The following MIPOL1 variants were observed in gnomAD, a reference collection of about 807,000 sequenced individuals.
MIPOL1 encodes mirror-image polydactyly 1, also known as mirror-image polydactyly gene 1 protein.
Under a neutral mutation model 60.9 loss-of-function variants are expected in MIPOL1, and 57 were observed. The ratio of observed to expected loss-of-function variants is 0.94; its 90% CI spans 0.76 to 1.17. The LOEUF (loss-of-function observed/expected upper bound fraction) is 1.17. Among genes scored for constraint, MIPOL1 ranks in the 50% most tolerant of loss-of-function variants. The pLI is 0.00. For missense variants in MIPOL1, 551 were observed against 511.6 expected, an observed-to-expected ratio of 1.08 and a Z score of -0.74; for synonymous variants, 179 against 168.8, an observed-to-expected ratio of 1.06 and a Z score of -0.47.
intron 7 of MIPOL1, among the ~76,000 whole-genome samples, chr14:37,286,976 A>G (rs957341427): frequency 6.6e-6 from 1 of 152,138 alleles, no homozygotes; most frequent in Admixed American, 6.6e-5. Flanking sequence ...ATATGTTGTC[A>G]TATTTGAAAA....
intron 7 of MIPOL1, among the ~76,000 whole-genome samples, chr14:37,299,555 T>C (rs368388903): frequency 6.6e-6 from 1 of 152,264 alleles, no homozygotes; most frequent in East Asian, 1.9e-4. Context: ...TAGATTTTGG[T>C]GTTCGGATTT....
intron 12 of MIPOL1, among the ~76,000 whole-genome samples, chr14:37,531,831 A>T (rs1594901046): frequency 6.6e-6 from 1 of 152,114 alleles, no homozygotes; most frequent in African/African-American, 2.4e-5. Context: ...ACTGTAGGTG[A>T]CTATATGGTA....
chr14:37,516,108 C>T (rs1489987545), intron 12 of MIPOL1, among the ~76,000 whole-genome samples: 1 of 152,184 alleles, frequency 6.6e-6, no homozygotes, highest in Non-Finnish European at 1.5e-5. Context: ...ATGGTCACCT[C>T]CAGCCTTGTC....
intron 10 of MIPOL1, among the ~76,000 whole-genome samples, chr14:37,391,211 G>A (rs2093227520): frequency 6.6e-6 from 1 of 152,050 alleles, no homozygotes; most frequent in Non-Finnish European, 1.5e-5. Context: ...CATAAACGTA[G>A]TTCAGACAAA....
chr14:37,509,503 C>T lies in MIPOL1; in HGVS notation c.1262+9365C>T, dbSNP rs567936909. On this transcript the variant is annotated intron_variant, in intron 12 of 12. Transcript: ENST00000684589. ...TCTGTTTGCAGGATGAATTATAGAACAGGATAGATGACTCTGGGTGCTGGC... is the reference window on the plus strand; with the variant it reads ...TCTGTTTGCAGGATGAATTATAGAATAGGATAGATGACTCTGGGTGCTGGC... Among the ~76,000 whole-genome samples, 93 of 151,882 alleles carry T rather than the reference C, an allele frequency of 6.1e-4. No individual in the cohort carries two copies. The Middle Eastern group carries it at 0.031, about 51-fold the overall frequency.
chr14:37,551,739 C>G (rs1484787469), downstream of MIPOL1: 1 of 151,504 alleles, frequency 6.6e-6, no homozygotes, highest in Non-Finnish European at 1.5e-5. Flanking sequence ...GTTAGCCGGG[C>G]GTGGTGGCGG....
intron 11 of MIPOL1, among the ~76,000 whole-genome samples, chr14:37,469,505 G>T (rs555200423): frequency 6.6e-6 from 1 of 152,196 alleles, no homozygotes; most frequent in East Asian, 1.9e-4. Flanking sequence ...TGAGATTTGG[G>T]CAGGGACACA....
intron 1 of MIPOL1, among the ~76,000 whole-genome samples, chr14:37,226,553 C>T (rs568723923): frequency 1.5e-4 from 23 of 152,302 alleles, no homozygotes; most frequent in Non-Finnish European, 3.2e-4. Context: ...ACCACCCCCA[C>T]GATTCGATTT....
chr14:37,391,227 T>C (rs1450235693), intron 10 of MIPOL1, among the ~76,000 whole-genome samples: 1 of 147,582 alleles, frequency 6.8e-6, no homozygotes, highest in East Asian at 1.9e-4. Context: ...ACAAACAAAC[T>C]CCAAGAGAAT....
At chr14:37,278,473 G>T (rs1002521820) in intron 6 of MIPOL1, 4 of 151,622 alleles carry the variant, frequency 2.6e-5, no homozygotes, top group African/African-American at 7.3e-5. Flanking sequence ...TAGAATTTGA[G>T]ATTCTTTCAT....
At chr14:37,416,597 T>C (rs1366231164) in intron 10 of MIPOL1, among the ~76,000 whole-genome samples, 1 of 152,164 alleles carries the variant, frequency 6.6e-6, no homozygotes, top group Non-Finnish European at 1.5e-5. Flanking sequence ...AACTATAGTC[T>C]TATATGTGGT....
At chr14:37,280,811 A>C (rs1029628594) in intron 6 of MIPOL1, among the ~76,000 whole-genome samples, 2 of 152,126 alleles carry the variant, frequency 1.3e-5, no homozygotes, top group African/African-American at 2.4e-5. Flanking sequence ...GACGCATGCC[A>C]CCAGGACTGG....
At chr14:37,261,802 A>G (rs764709050) in intron 3 of MIPOL1, among the ~76,000 whole-genome samples, 5 of 152,148 alleles carry the variant, frequency 3.3e-5, no homozygotes, top group Admixed American at 6.6e-5. Flanking sequence ...CTTTACTGCT[A>G]GGAAAATTGA....
chr14:37,279,720 A>C (rs1326844902), intron 6 of MIPOL1, among the ~76,000 whole-genome samples: 1 of 152,106 alleles, frequency 6.6e-6, no homozygotes, highest in Non-Finnish European at 1.5e-5. Context: ...CAGTACATGT[A>C]CATACATTGT....
At chr14:37,210,091 A>G (rs1370513188) in intron 1 of MIPOL1, among the ~76,000 whole-genome samples, 2 of 151,938 alleles carry the variant, frequency 1.3e-5, no homozygotes, top group Non-Finnish European at 2.9e-5. Context: ...AAAACGCTCA[A>G]ACTGTGTTTC....
intron 9 of MIPOL1, among the ~76,000 whole-genome samples, chr14:37,327,611 G>A (rs2089286378): frequency 6.6e-6 from 1 of 152,132 alleles, no homozygotes; most frequent in African/African-American, 2.4e-5. Flanking sequence ...AGCTGACAGT[G>A]AAAGTGGAGA....
chr14:37,264,835 C>T (rs1035304982), intron 3 of MIPOL1, among the ~76,000 whole-genome samples: 3 of 152,150 alleles, frequency 2.0e-5, no homozygotes, highest in African/African-American at 7.2e-5. Context: ...TAGCTTGCTT[C>T]TGCAGTCATT....
At chr14:37,220,345 A>G (rs974415592) in intron 1 of MIPOL1, among the ~76,000 whole-genome samples, 6 of 152,158 alleles carry the variant, frequency 3.9e-5, no homozygotes, top group African/African-American at 1.4e-4. Context: ...CTTTTTAATG[A>G]ATTATTTTTT....
intron 3 of MIPOL1, among the ~76,000 whole-genome samples, chr14:37,250,963 T>C (rs1476254449): frequency 6.6e-6 from 1 of 152,208 alleles, no homozygotes; most frequent in Non-Finnish European, 1.5e-5. Context: ...TTTATGTTTT[T>C]CTTTGTTTTT....
Sources: allele counts gnomAD v4.1 joint callset (sites outside exome capture counted in the v4.1 genomes callset), GRCh38; gene constraint gnomAD v4.1.1; transcripts MANE v1.5; gene names NCBI Gene and HGNC (gene_info 2026-07-23, HGNC 2026-07-21).